Variants in COL28A1 observed in about 807,000 individuals in gnomAD.
COL28A1 encodes collagen type XXVIII alpha 1 chain.
In COL28A1, 161 loss-of-function variants were observed where a neutral mutation model predicts 150.2. The ratio of observed to expected loss-of-function variants is 1.07; its 90% CI spans 0.94 to 1.22. COL28A1 has a LOEUF of 1.22. Among genes scored for constraint, COL28A1 ranks in the 50% most tolerant of loss-of-function variants. The probability of loss-of-function intolerance (pLI) is 0.00; values close to 1 mark genes in which losing one functional copy is unlikely to be tolerated. For missense variants in COL28A1, 1,617 were observed against 1,388.3 expected (o/e 1.16, Z -2.62); for synonymous variants, 552 against 469.7 (o/e 1.18, Z -2.26).
At chr7:7,394,175 T>G (rs891708708) in intron 27 of COL28A1, among the ~76,000 whole-genome samples, 1 of 152,126 alleles carries the variant, frequency 6.6e-6, no homozygotes, top group Non-Finnish European at 1.5e-5. Context: ...TGGCTTCCCT[T>G]GGCTAGGGGA....
chr7:7,417,704 C>G (rs1784180911), intron 27 of COL28A1, 155 bp downstream of exon 27: 9 of 684,010 alleles, frequency 1.3e-5, no homozygotes, highest in Admixed American at 2.6e-5. Context: ...CATTTTTACA[C>G]TTCCAGATGA....
intron 13 of COL28A1, among the ~76,000 whole-genome samples, chr7:7,480,443 A>C (rs934656863): frequency 1.3e-5 from 2 of 152,226 alleles, no homozygotes; most frequent in Non-Finnish European, 2.9e-5. Context: ...GCTAGTAGGA[A>C]AATAAATAGG....
At chr7:7,477,540 C>A (rs898313752) in intron 13 of COL28A1, among the ~76,000 whole-genome samples, 1 of 152,170 alleles carries the variant, frequency 6.6e-6, no homozygotes, top group Admixed American at 6.5e-5. Flanking sequence ...CGGACCCTCG[C>A]GGTGAGTGTC....
intron 18 of COL28A1, among the ~76,000 whole-genome samples, chr7:7,446,643 A>G (rs1287224230): frequency 1.3e-5 from 2 of 152,244 alleles, no homozygotes; most frequent in Non-Finnish European, 2.9e-5. Context: ...AAACAATTAT[A>G]CAATGGCAAG....
In COL28A1 at chr7:7,358,603, C is replaced by G. The variant is rs201699027; in HGVS notation, c.*30G>C. On this transcript the variant is annotated 3_prime_UTR_variant, in exon 35 of 35. Transcript: ENST00000399429. ...TATGTGGAAATTAGGGAGTTCTATG[C>G]TTTTGATAGAGACAGGCCAATTTAC... 55 of 1,606,820 alleles carry G rather than the reference C, an allele frequency of 3.4e-5. No individual in the cohort carries two copies. The South Asian group carries it at 6.0e-4, about 17-fold the overall frequency.
chr7:7,413,934 C>A (rs180816472), intron 27 of COL28A1, among the ~76,000 whole-genome samples: 1 of 152,274 alleles, frequency 6.6e-6, no homozygotes, highest in East Asian at 1.9e-4. Flanking sequence ...TCAAGGAGGG[C>A]TACCAGGAAT....
At chr7:7,516,698 C>T (rs1164821165) in intron 7 of COL28A1, among the ~76,000 whole-genome samples, 3 of 152,164 alleles carry the variant, frequency 2.0e-5, no homozygotes, top group Admixed American at 6.5e-5. Flanking sequence ...ATTACAGTTA[C>T]ATGTGAGTCA....
intron 15 of COL28A1, among the ~76,000 whole-genome samples, chr7:7,472,438 AT>A (rs928065558): frequency 6.6e-4 from 101 of 152,196 alleles, no homozygotes; most frequent in African/African-American, 2.3e-3. Context: ...AAAAAAAAAA[AT>A]AAAATACTTA....
intron 27 of COL28A1, among the ~76,000 whole-genome samples, chr7:7,406,810 C>A (rs1396858603): frequency 6.6e-6 from 1 of 152,020 alleles, no homozygotes; most frequent in Non-Finnish European, 1.5e-5. Context: ...AAGATAAAGT[C>A]AACAAGGTGG....
chr7:7,375,756 G>T (rs1057249293), intron 30 of COL28A1, among the ~76,000 whole-genome samples: 2 of 152,120 alleles, frequency 1.3e-5, no homozygotes, highest in African/African-American at 2.4e-5. Context: ...GTGTGACCTC[G>T]GGCATTTGGT....
At chr7:7,402,446 C>T (rs1342181323) in intron 27 of COL28A1, among the ~76,000 whole-genome samples, 2 of 152,136 alleles carry the variant, frequency 1.3e-5, no homozygotes, top group African/African-American at 4.8e-5. Context: ...ATCTCAAATA[C>T]AATTCATTGT....
upstream of COL28A1, among the ~76,000 whole-genome samples, chr7:7,536,602 T>C (rs535699539): frequency 7.2e-5 from 11 of 152,298 alleles, no homozygotes; most frequent in South Asian, 1.4e-3. Flanking sequence ...TCATGTAATA[T>C]ATACTGCCAA....
intron 34 of COL28A1, 115 bp from the exon 35 acceptor site, chr7:7,358,920 C>A: frequency 3.7e-6 from 3 of 808,718 alleles, no homozygotes; most frequent in East Asian, 2.9e-5. Flanking sequence ...ACTAACAAAC[C>A]AAGAAAATAT....
intron 33 of COL28A1, among the ~76,000 whole-genome samples, chr7:7,369,969 T>C (rs965054098): frequency 2.0e-5 from 3 of 152,118 alleles, no homozygotes; most frequent in Admixed American, 1.3e-4. Context: ...CTTGCCCAAG[T>C]TGCAACTTGG....
At chr7:7,460,724 T>C (rs902252224) in intron 15 of COL28A1, among the ~76,000 whole-genome samples, 5 of 152,342 alleles carry the variant, frequency 3.3e-5, no homozygotes, top group Admixed American at 3.3e-4. Context: ...TAAGAAGAAA[T>C]GTCTTTCGAT....
chr7:7,383,265 TG>T (rs1781974102), intron 27 of COL28A1, among the ~76,000 whole-genome samples: 1 of 137,818 alleles, frequency 7.3e-6, no homozygotes, highest in African/African-American at 3.1e-5. Context: ...TGTGTGTGTG[TG>T]TGTGTGTGTG....
intron 16 of COL28A1, among the ~76,000 whole-genome samples, chr7:7,453,764 G>C (rs1786905117): frequency 6.7e-6 from 1 of 149,274 alleles, no homozygotes; most frequent in South Asian, 2.1e-4. Flanking sequence ...GCCAGGCGTG[G>C]CCATGTGGGC....
chr7:7,412,798 A>C (rs1366447283), intron 27 of COL28A1, among the ~76,000 whole-genome samples: 2 of 152,044 alleles, frequency 1.3e-5, no homozygotes, highest in Non-Finnish European at 2.9e-5. Context: ...CATTTTATAC[A>C]ATTTTTTCTT....
intron 5 of COL28A1, among the ~76,000 whole-genome samples, chr7:7,520,572 A>G (rs1444688583): frequency 2.0e-5 from 3 of 152,206 alleles, no homozygotes; most frequent in African/African-American, 4.8e-5. Context: ...CCAGGAGACA[A>G]TCTCAAAAGA....
Sources: allele counts gnomAD v4.1 joint callset (sites outside exome capture counted in the v4.1 genomes callset), GRCh38; gene constraint gnomAD v4.1.1; transcripts MANE v1.5; gene names NCBI Gene and HGNC (gene_info 2026-07-23, HGNC 2026-07-21).